ABAT: variants seen among roughly 807,000 people sequenced by gnomAD.
The protein encoded by ABAT is 4-aminobutyrate aminotransferase, also known as 4-aminobutyrate aminotransferase, mitochondrial.
In ABAT, 45 loss-of-function variants were observed where a neutral mutation model predicts 64.6. The ratio of observed to expected loss-of-function variants is 0.70; its 90% CI spans 0.55 to 0.89. The LOEUF (loss-of-function observed/expected upper bound fraction) is 0.89. Among genes scored for constraint, ABAT ranks in the 40% least tolerant of loss-of-function variants. ABAT has a pLI of 0.00. For missense variants in ABAT, 633 were observed against 658.4 expected (o/e 0.96, Z 0.42); for synonymous variants, 297 against 250.5 (o/e 1.19, Z -1.75).
At chr16:8,690,101 T>G (rs778411224) in intron 1 of ABAT, among the ~76,000 whole-genome samples, 1 of 152,220 alleles carries the variant, frequency 6.6e-6, no homozygotes, top group Non-Finnish European at 1.5e-5. Flanking sequence ...TTATTAAGCT[T>G]CATCTCCCAG....
chr16:8,765,596 TCGAGGCTG>T (rs757457292), intron 8 of ABAT, among the ~76,000 whole-genome samples: 47 of 151,676 alleles, frequency 3.1e-4, no homozygotes, highest in Non-Finnish European at 5.3e-4. Context: ...GCCTGGGAGG[TCGAGGCTG>T]CAGTTAGCTG....
intron 1 of ABAT, chr16:8,683,600 T>A (rs1730941): frequency 0.66 from 99,355 of 150,596 alleles, 33,269 homozygotes; most frequent in East Asian, 0.91. Flanking sequence ...GAAATGCTGC[T>A]ATGATACTGA....
chr16:8,763,845 T>C (rs1022813457), intron 6 of ABAT, among the ~76,000 whole-genome samples: 2 of 152,250 alleles, frequency 1.3e-5, no homozygotes, highest in South Asian at 2.1e-4. Flanking sequence ...CAATGCAATA[T>C]GGCAACCAGG....
intron 2 of ABAT, among the ~76,000 whole-genome samples, chr16:8,741,478 T>G (rs1222941128): frequency 6.6e-6 from 1 of 152,344 alleles, no homozygotes; most frequent in East Asian, 1.9e-4. Flanking sequence ...TCTTCTGTAA[T>G]GTAAGAATAA....
chr16:8,691,309 G>A (rs999013860), intron 1 of ABAT, among the ~76,000 whole-genome samples: 1 of 152,232 alleles, frequency 6.6e-6, no homozygotes, highest in African/African-American at 2.4e-5. Flanking sequence ...GAAACCAAGT[G>A]AGGGAGTTGG....
intron 1 of ABAT, chr16:8,720,821 T>C (rs1362867129): frequency 2.6e-5 from 4 of 152,208 alleles, no homozygotes; most frequent in South Asian, 2.1e-4. Context: ...CAACGGCTGA[T>C]AGGAAAATGA....
At chr16:8,730,383 G>C (rs992687945) in intron 1 of ABAT, among the ~76,000 whole-genome samples, 1 of 152,070 alleles carries the variant, frequency 6.6e-6, no homozygotes, top group African/African-American at 2.4e-5. Flanking sequence ...CAGCCACAGC[G>C]TGCTGGAACT....
intron 1 of ABAT, among the ~76,000 whole-genome samples, chr16:8,684,020 C>G (rs2057395053): frequency 6.6e-6 from 1 of 152,120 alleles, no homozygotes; most frequent in African/African-American, 2.4e-5. Context: ...ACACCAGCGC[C>G]TCTTCTAGAC....
At chr16:8,735,236 GT>G (rs1309894913) in intron 1 of ABAT, among the ~76,000 whole-genome samples, 1 of 150,638 alleles carries the variant, frequency 6.6e-6, no homozygotes, top group Non-Finnish European at 1.5e-5. Flanking sequence ...TTTTGGGTTG[GT>G]TTTTTTTGTT....
chr16:8,779,451 A>G (rs1215829257), intron 14 of ABAT, 28 bp from the exon 15 acceptor site: 1 of 1,595,302 alleles, frequency 6.3e-7, no homozygotes. Context: ...ATGGGCTTTG[A>G]CGCCAGCCTT....
At chr16:8,696,219 C>G (rs757720490) in intron 1 of ABAT, among the ~76,000 whole-genome samples, 4 of 152,116 alleles carry the variant, frequency 2.6e-5, no homozygotes, top group Non-Finnish European at 5.9e-5. Context: ...TCCATTCTGT[C>G]CAGGACTCAG....
In ABAT at chr16:8,781,238, C is replaced by T; in HGVS notation, c.1382-71C>T. 1 of 1,610,374 alleles carries T rather than the reference C, an allele frequency of 6.2e-7. No homozygotes were observed. Among genetic ancestry groups the T allele is most frequent in the Non-Finnish European group, 8.5e-7 (1 of 1,177,932 alleles). ...GGATGAGCGTTGCCAACAGGCATCA[C>T]TTTCCCCCCAGCTCTCCCAGCATGT... On this transcript the variant is annotated intron_variant, in intron 15 of 15. Coordinates refer to ENST00000268251, the MANE Select transcript of ABAT (RefSeq NM_020686.6). The surrounding 1 kb of genome is among the most constrained non-coding windows in gnomAD (Gnocchi z 4.5).
chr16:8,735,106 T>C (rs1323657473), intron 1 of ABAT, among the ~76,000 whole-genome samples: 1 of 145,708 alleles, frequency 6.9e-6, no homozygotes, highest in Non-Finnish European at 1.5e-5. Context: ...CTCAGGAGGC[T>C]GAGGTTGCAG....
rs139809443 is a variant in ABAT at position 8,677,340 on chromosome 16, G to T, written c.-42+2629G>T. On this transcript the variant is annotated intron_variant, in intron 1 of 15. Transcript: ENST00000268251. Reference sequence around the variant, plus strand: ...CAGGGCCAAGGTGCCTGGGGACAAGGGGATGTCTTCCTAGAGAGACAGTGT... The same window carrying T: ...CAGGGCCAAGGTGCCTGGGGACAAGTGGATGTCTTCCTAGAGAGACAGTGT... Among the ~76,000 whole-genome samples the T allele has an allele frequency of 2.7e-4, 41 of 152,282 alleles. No individual in the cohort carries two copies. In the East Asian group the frequency reaches 7.9e-3, roughly 29 times the overall value.
At chr16:8,738,327 A>G in intron 2 of ABAT, 1 of 442,032 alleles carries the variant, frequency 2.3e-6, no homozygotes, top group Admixed American at 2.5e-5. Context: ...ATAATAATAG[A>G]TAAATAAGTT....
At chr16:8,707,206 A>G (rs1020338403) in intron 1 of ABAT, among the ~76,000 whole-genome samples, 1 of 151,948 alleles carries the variant, frequency 6.6e-6, no homozygotes, top group African/African-American at 2.4e-5. Flanking sequence ...TGTTTTTTTG[A>G]GACCAGGTCT....
rs1275699710 is a variant in ABAT, at chr16:8,746,109, C to G, written c.168+11C>G. 6.2e-7 allele frequency: 1 copy of G among 1,604,744 alleles called. No individual in the cohort carries two copies. The highest frequency in any genetic ancestry group is 8.5e-7 in the Non-Finnish European group (1 of 1,172,446). ...GGGCCTAGATCTCAGGTGAGTTGAG[C>G]ACACCTGAGTGGGGTATTTTGGAAA... is the stretch of plus-strand genomic sequence containing the variant. On this transcript the variant is annotated intron_variant, in intron 3 of 15. Transcript: ENST00000268251.
chr16:8,750,498 G>A lies in ABAT; in HGVS notation c.275G>A (p.Arg92Gln), dbSNP rs724159992. 6 of 1,614,020 alleles carry A rather than the reference G, an allele frequency of 3.7e-6. No individual in the cohort carries two copies. The highest frequency in any genetic ancestry group is 1.6e-4 in the Middle Eastern group (1 of 6,080). ...TACCTGGTTGATGTGGACGGCAACC[G>A]AATGCTGGATCTTTATTCCCAGATC... ...GNYLVDVDGN[R>Q]MLDLYSQISS... The change falls in exon 5 of 16, where the codon CGA becomes CAA. Residue 92 changes from arginine to glutamine, a missense_variant. Coordinates refer to ENST00000268251, the MANE Select transcript of ABAT (RefSeq NM_020686.6).
intron 9 of ABAT, among the ~76,000 whole-genome samples, chr16:8,767,182 T>C (rs2059969588): frequency 6.6e-6 from 1 of 152,202 alleles, no homozygotes; most frequent in African/African-American, 2.4e-5. Flanking sequence ...ATTCCCTTGC[T>C]GGGTGAAGAG....
Sources: gnomAD v4.1 joint callset for allele counts (sites outside exome capture counted in the v4.1 genomes callset) on GRCh38, gnomAD v4.1.1 for gene constraint, Gnocchi (gnomAD v3.1) non-coding constraint, MANE v1.5 for transcripts, NCBI Gene and HGNC (gene_info 2026-07-23, HGNC 2026-07-21) for gene names.